Variants in MINDY4 observed in about 807,000 individuals in gnomAD.
The protein encoded by MINDY4 is probable ubiquitin carboxyl-terminal hydrolase MINDY-4.
In MINDY4, 68 loss-of-function variants were observed where a neutral mutation model predicts 87.0. That is an observed-to-expected ratio of 0.78 (90% CI 0.64 to 0.96). The LOEUF is 0.96. Among genes scored for constraint, MINDY4 ranks in the 40% least tolerant of loss-of-function variants. The pLI, the probability that MINDY4 is intolerant of heterozygous loss-of-function variation, is 0.00. For synonymous variants in MINDY4, 379 were observed against 363.2 expected, an observed-to-expected ratio of 1.04 and a Z score of -0.50; for missense variants, 919 against 928.2, an observed-to-expected ratio of 0.99 and a Z score of 0.13.
At chr7:30,848,619 T>C (rs895987165) in intron 9 of MINDY4, among the ~76,000 whole-genome samples, 22 of 152,210 alleles carry the variant, frequency 1.4e-4, no homozygotes, top group African/African-American at 5.1e-4. Flanking sequence ...TTTCTCATGG[T>C]GGTTTTCATA....
intron 14 of MINDY4, among the ~76,000 whole-genome samples, chr7:30,873,874 C>G (rs1790183167): frequency 6.6e-6 from 1 of 152,222 alleles, no homozygotes; most frequent in Non-Finnish European, 1.5e-5. Flanking sequence ...GCAGACATTT[C>G]CTCCAAATTC....
intron 13 of MINDY4, among the ~76,000 whole-genome samples, chr7:30,863,775 T>C (rs1789843598): frequency 6.6e-6 from 1 of 152,258 alleles, no homozygotes; most frequent in African/African-American, 2.4e-5. Context: ...GTGCAAAGCC[T>C]TGTGAAGGTT....
chr7:30,814,286 TC>T (rs775223847), intron 5 of MINDY4, among the ~76,000 whole-genome samples: 13 of 152,316 alleles, frequency 8.5e-5, no homozygotes, highest in Non-Finnish European at 7.4e-5. Flanking sequence ...CAAATGCTAT[TC>T]GGGTTATTAT....
rs1056328377 is a variant in MINDY4 at position 30,791,273 on chromosome 7, G to A, written c.772G>A (p.Asp258Asn). 2.5e-6 allele frequency: 4 copies of A among 1,614,014 alleles called. No individual in the cohort carries two copies. The African/African-American group carries it at 5.3e-5, about 22-fold the overall frequency. Residue 258 changes from aspartate to asparagine, a missense_variant, in exon 5 of 18, where the codon GAC becomes AAC. Transcript: ENST00000265299. ...VPELFVCTQQ[D>N]ILASSNSSPS... ...TGAGCTCTTTGTCTGCACCCAACAG[G>A]ACATTCTGGCTTCGAGCAACAGCTC...
At chr7:30,790,474 GT>G (rs66514233) in intron 4 of MINDY4, among the ~76,000 whole-genome samples, 84,270 of 151,734 alleles carry the variant, frequency 0.56, 23,903 homozygotes, top group African/African-American at 0.67. Context: ...TTTTGAGATG[GT>G]TGTCTTGCTG....
At chr7:30,877,683 C>CTTCT (rs1554285649) in intron 15 of MINDY4, among the ~76,000 whole-genome samples, 1,506 of 112,538 alleles carry the variant, frequency 0.013, 41 homozygotes, top group African/African-American at 0.048. Flanking sequence ...TCTTCTTCTT[C>CTTCT]TTTTTTTTTT....
At chr7:30,879,828 C>T (rs1443745630) in intron 15 of MINDY4, among the ~76,000 whole-genome samples, 1 of 152,184 alleles carries the variant, frequency 6.6e-6, no homozygotes, top group African/African-American at 2.4e-5. Flanking sequence ...ATTTCATCGC[C>T]TTTAAGATGC....
rs555400843 is a variant in MINDY4 at position 30,790,234 on chromosome 7, T to C, written c.664-931T>C. 2.0e-5 allele frequency among the ~76,000 whole-genome samples: 3 copies of C among 152,310 alleles called. No individual in the cohort carries two copies. In the East Asian group the frequency reaches 5.8e-4, roughly 29 times the overall value. On this transcript the variant is annotated intron_variant, in intron 4 of 17. Transcript: ENST00000265299. ...GATGTCTTTTGGAATTTATAATTTT[T>C]TTTTTAATTTTGGAAAGGAAGTACA...
intron 7 of MINDY4, among the ~76,000 whole-genome samples, chr7:30,838,802 T>C (rs938163754): frequency 6.6e-6 from 1 of 152,208 alleles, no homozygotes; most frequent in African/African-American, 2.4e-5. Flanking sequence ...AAGATTGTTT[T>C]TAGGAACTTC....
intron 13 of MINDY4, among the ~76,000 whole-genome samples, chr7:30,863,359 T>C (rs897485966): frequency 1.3e-5 from 2 of 152,164 alleles, no homozygotes; most frequent in Admixed American, 1.3e-4. Context: ...GGTGGTGTGA[T>C]AGTGTGTGTG....
chr7:30,834,299 T>G (rs1788795093), intron 6 of MINDY4, among the ~76,000 whole-genome samples: 2 of 152,258 alleles, frequency 1.3e-5, no homozygotes, highest in Non-Finnish European at 2.9e-5. Context: ...TCTGTGCACC[T>G]GCAGGCTCAA....
intron 13 of MINDY4, among the ~76,000 whole-genome samples, chr7:30,869,548 G>A (rs1374607820): frequency 6.6e-6 from 1 of 152,032 alleles, no homozygotes; most frequent in Non-Finnish European, 1.5e-5. Flanking sequence ...TCCCGGGCTC[G>A]CAGGTGGCCA....
At chr7:30,851,907 C>G (rs1225660335) in intron 10 of MINDY4, among the ~76,000 whole-genome samples, 1 of 152,216 alleles carries the variant, frequency 6.6e-6, no homozygotes, top group Non-Finnish European at 1.5e-5. Flanking sequence ...ACACATTTGT[C>G]AGTTGTGGGT....
At chr7:30,860,656 G>A (rs1210622628) in intron 13 of MINDY4, among the ~76,000 whole-genome samples, 1 of 152,006 alleles carries the variant, frequency 6.6e-6, no homozygotes, top group Non-Finnish European at 1.5e-5. Context: ...GGAGTCTAGG[G>A]CTCTGTGCTC....
intron 5 of MINDY4, among the ~76,000 whole-genome samples, chr7:30,794,101 G>A (rs536970706): frequency 6.6e-5 from 10 of 152,248 alleles, no homozygotes; most frequent in African/African-American, 2.2e-4. Context: ...GCGTCTTTGT[G>A]TAGTGCACAT....
In MINDY4 at chr7:30,882,508, C is replaced by A. The variant is rs1423968009; in HGVS notation, c.2152+147C>A. 3.9e-6 allele frequency: 3 copies of A among 777,162 alleles called. No homozygotes were observed. The South Asian group carries it at 6.1e-5, about 16-fold the overall frequency. The allele number at this position is 777,162 out of a possible 1,614,324, so 48.1% of individuals were successfully genotyped here. ...CATCCAGACTGGGGGATCAGAGAGC[C>A]AATGCCAGCAGGGCCTCCCTGCAGG... On this transcript the variant is annotated intron_variant, in intron 16 of 17. Transcript: ENST00000265299.
At position 30,804,261 on chromosome 7, in the gene MINDY4, C is replaced by G. The variant is rs188613291; in HGVS notation, c.1073+12687C>G. ...ATTCCAGAAAATTCTACTTTGTTTTCTCTACTCATTCCACAAGAAGTTAGT... is the reference window on the plus strand; with the variant it reads ...ATTCCAGAAAATTCTACTTTGTTTTGTCTACTCATTCCACAAGAAGTTAGT... On this transcript the variant is annotated intron_variant, in intron 5 of 17. Coordinates refer to ENST00000265299, the MANE Select transcript of MINDY4 (RefSeq NM_032222.3). Among the ~76,000 whole-genome samples the G allele has an allele frequency of 2.2e-3, 333 of 152,274 alleles. 1 individual carries two copies. Among genetic ancestry groups the G allele is most frequent in the Non-Finnish European group, 3.6e-3 (247 of 68,012 alleles).
intron 9 of MINDY4, among the ~76,000 whole-genome samples, chr7:30,842,257 C>T (rs868586564): frequency 1.3e-5 from 2 of 152,218 alleles, no homozygotes; most frequent in Admixed American, 6.5e-5. Context: ...CTTTGCTCTC[C>T]GGTCGATCCT....
chr7:30,864,088 C>G (rs757031817), intron 13 of MINDY4, among the ~76,000 whole-genome samples: 1 of 152,220 alleles, frequency 6.6e-6, no homozygotes, highest in Non-Finnish European at 1.5e-5. Context: ...CCTTTTCATG[C>G]AGTAGATTCT....
Sources: gnomAD v4.1 joint callset for allele counts (sites outside exome capture counted in the v4.1 genomes callset) on GRCh38, gnomAD v4.1.1 for gene constraint, MANE v1.5 for transcripts, NCBI Gene and HGNC (gene_info 2026-07-23, HGNC 2026-07-21) for gene names.